The following DHX57 variants were observed in gnomAD, a reference collection of about 807,000 sequenced individuals.
DHX57 encodes the protein putative ATP-dependent RNA helicase DHX57.
DHX57 carries 105 observed loss-of-function variants against 156.2 expected under a neutral mutation model. The observed-to-expected ratio is 0.67, with a 90% confidence interval of 0.57 to 0.79. The LOEUF (loss-of-function observed/expected upper bound fraction) is 0.79, where lower values mean the gene tolerates loss of function less well. Ranked by LOEUF, DHX57 falls within the 30% of genes least tolerant of loss-of-function variation. The pLI is 0.00. For missense variants in DHX57, 1,847 were observed against 1,661.9 expected, an observed-to-expected ratio of 1.11 and a Z score of -1.94; for synonymous variants, 704 against 595.6, an observed-to-expected ratio of 1.18 and a Z score of -2.65.
intron 14 of DHX57, 60 bp from the exon 15 acceptor site, chr2:38,826,749 G>T: frequency 6.4e-7 from 1 of 1,551,464 alleles, no homozygotes; most frequent in South Asian, 1.2e-5. Flanking sequence ...CTAGATTACA[G>T]TAGGTGAATT....
chr2:38,854,033 C>T (rs1321834703), intron 9 of DHX57, 21 bp downstream of exon 9: 2 of 1,590,980 alleles, frequency 1.3e-6, no homozygotes, highest in African/African-American at 2.7e-5. Flanking sequence ...TGTGTGTTCC[C>T]TGGGAAAGTC....
chr2:38,852,279 C>T (rs1170483483), intron 9 of DHX57, among the ~76,000 whole-genome samples: 1 of 149,604 alleles, frequency 6.7e-6, no homozygotes, highest in Non-Finnish European at 1.5e-5. Context: ...CAGGTTCAAG[C>T]GATTCTCCTG....
intron 19 of DHX57, among the ~76,000 whole-genome samples, chr2:38,818,304 A>G (rs1191154395): frequency 6.6e-6 from 1 of 152,104 alleles, no homozygotes; most frequent in Admixed American, 6.6e-5. Flanking sequence ...AGGTGGGCGG[A>G]TCATGAGGTC....
chr2:38,858,965 A>T, intron 5 of DHX57, 129 bp from the exon 6 acceptor site: 1 of 870,854 alleles, frequency 1.1e-6, no homozygotes, highest in Non-Finnish European at 1.7e-6. Flanking sequence ...TGAATAAAGT[A>T]AGTTCATTCA....
chr2:38,833,723 T>C (rs1188200314), intron 13 of DHX57, among the ~76,000 whole-genome samples: 2 of 152,180 alleles, frequency 1.3e-5, no homozygotes, highest in East Asian at 3.8e-4. Flanking sequence ...AACATAGGTT[T>C]GCACTGCATG....
At chr2:38,831,725 C>T (rs1449242157) in intron 13 of DHX57, among the ~76,000 whole-genome samples, 3 of 151,468 alleles carry the variant, frequency 2.0e-5, no homozygotes, top group South Asian at 2.1e-4. Context: ...GGCATGGTGG[C>T]GTGCACCTGT....
intron 11 of DHX57, among the ~76,000 whole-genome samples, chr2:38,843,877 T>C (rs541369018): frequency 1.2e-4 from 19 of 152,302 alleles, no homozygotes; most frequent in East Asian, 3.9e-4. Flanking sequence ...CGATTTTTTT[T>C]CCCTGGAGCC....
chr2:38,801,909 C>T (rs1669703331), intron 23 of DHX57, among the ~76,000 whole-genome samples: 1 of 152,018 alleles, frequency 6.6e-6, no homozygotes, highest in Non-Finnish European at 1.5e-5. Context: ...AGTTCTGTTT[C>T]TTAAATATGT....
chr2:38,827,201 G>T (rs1671131148), intron 14 of DHX57, among the ~76,000 whole-genome samples: 1 of 151,662 alleles, frequency 6.6e-6, no homozygotes, highest in African/African-American at 2.4e-5. Flanking sequence ...TATTTACTTA[G>T]TTCTAGGAAC....
At chr2:38,821,744 T>C (rs1429905957) in intron 17 of DHX57, among the ~76,000 whole-genome samples, 1 of 151,672 alleles carries the variant, frequency 6.6e-6, no homozygotes, top group Non-Finnish European at 1.5e-5. Flanking sequence ...CAAAGAAAAT[T>C]GACAAATCTT....
At chr2:38,840,168 C>G (rs1011877339) in intron 12 of DHX57, among the ~76,000 whole-genome samples, 3 of 151,852 alleles carry the variant, frequency 2.0e-5, no homozygotes, top group African/African-American at 7.3e-5. Context: ...TGGTCTTGAA[C>G]TCCTGGGCTC....
intron 20 of DHX57, 75 bp downstream of exon 20, chr2:38,815,443 GTCT>G: frequency 6.4e-7 from 1 of 1,572,182 alleles, no homozygotes; most frequent in Non-Finnish European, 8.7e-7. Context: ...GAAGAAGAAT[GTCT>G]ACAAGTGTTC....
Position 38,860,996 on chromosome 2 carries a change from T to C in DHX57, c.1411+3A>G. On this transcript the variant is annotated splice_donor_region_variant and intron_variant, in intron 5 of 23. Transcript: ENST00000457308. ...CCCTCCACAAGATCAATGCCTTACATACCTTCTGGAATTTGATTAGAAACA... is the reference window on the plus strand; with the variant it reads ...CCCTCCACAAGATCAATGCCTTACACACCTTCTGGAATTTGATTAGAAACA... 4.3e-6 allele frequency: 7 copies of C among 1,610,540 alleles called. No homozygotes were observed. The South Asian group carries it at 7.7e-5, about 18-fold the overall frequency.
At chr2:38,824,770 C>G (rs1290678428) in intron 16 of DHX57, among the ~76,000 whole-genome samples, 5 of 152,154 alleles carry the variant, frequency 3.3e-5, no homozygotes, top group Non-Finnish European at 5.9e-5. Context: ...GCTTCAGCCT[C>G]CTAAGAAACT....
chr2:38,830,516 T>C (rs186141446), intron 13 of DHX57, among the ~76,000 whole-genome samples: 15 of 151,874 alleles, frequency 9.9e-5, no homozygotes, highest in Non-Finnish European at 1.5e-4. Context: ...TAATCCCAGC[T>C]ACTTGGGAGG....
chr2:38,815,867 T>G (rs1249958349), intron 19 of DHX57: 5 of 583,964 alleles, frequency 8.6e-6, no homozygotes, highest in Non-Finnish European at 1.5e-5. Context: ...GAAACGGTTA[T>G]GCAGAAATGC....
intron 23 of DHX57, among the ~76,000 whole-genome samples, chr2:38,799,467 A>G (rs1361740336): frequency 5.7e-5 from 8 of 140,348 alleles, no homozygotes; most frequent in Non-Finnish European, 1.2e-4. Context: ...AGGGTGGTAG[A>G]TAGGCTGGGC....
At chr2:38,868,820 T>C (rs910731839) in intron 1 of DHX57, among the ~76,000 whole-genome samples, 2 of 152,054 alleles carry the variant, frequency 1.3e-5, no homozygotes, top group South Asian at 4.1e-4. Context: ...ATTTATTTAT[T>C]TATTTATTTA....
chr2:38,832,679 G>A (rs1423387524), intron 13 of DHX57, among the ~76,000 whole-genome samples: 1 of 151,666 alleles, frequency 6.6e-6, no homozygotes, highest in East Asian at 2.0e-4. Context: ...CCAAGTAGCT[G>A]GGATTACAGG....
Sources: allele counts gnomAD v4.1 joint callset (sites outside exome capture counted in the v4.1 genomes callset), GRCh38; gene constraint gnomAD v4.1.1; transcripts MANE v1.5; gene names NCBI Gene and HGNC (gene_info 2026-07-23, HGNC 2026-07-21).